Variants in TRPC5 observed in about 807,000 individuals in gnomAD.
TRPC5 encodes the protein transient receptor potential cation channel subfamily C member 5.
TRPC5 carries 9 observed loss-of-function variants against 56.5 expected under a neutral mutation model. The observed-to-expected ratio is 0.16, with a 90% CI of 0.10 to 0.28. The LOEUF (loss-of-function observed/expected upper bound fraction) is 0.28. Among genes scored for constraint, TRPC5 ranks in the 10% least tolerant of loss-of-function variants. TRPC5 has a pLI of 1.00. For missense variants in TRPC5, 469 were observed against 748.9 expected, an observed-to-expected ratio of 0.63 and a Z score of 4.36; for synonymous variants, 282 against 278.5, an observed-to-expected ratio of 1.01 and a Z score of -0.13.
At chrX:111,784,796 G>A (rs910342326) in intron 7 of TRPC5, among the ~76,000 whole-genome samples, 6 of 112,826 alleles carry the variant, frequency 5.3e-5, no homozygotes, top group Non-Finnish European at 9.4e-5. Context: ...CAGGTCCCAC[G>A]CCCACGGAAC....
chrX:111,815,645 C>T (rs751865343), intron 7 of TRPC5, among the ~76,000 whole-genome samples: 19 of 110,584 alleles, frequency 1.7e-4, no homozygotes, highest in South Asian at 1.2e-3. Flanking sequence ...TGCTTTAACT[C>T]AGGAGGCAGA....
At position 111,852,390 on chromosome X, in the gene TRPC5, C is replaced by T. The variant is rs1314982323; in HGVS notation, c.1285G>A (p.Glu429Lys). Residue 429 changes from glutamate (E) to lysine (K), a missense_variant, in exon 5 of 11, where the codon GAA becomes AAA. Physicochemically the swap from Glu to Lys is moderately conservative, Grantham distance 56. This residue lies in a region of TRPC5 where 157 missense variants were observed against 360.0 expected (regional missense o/e 0.44). Coordinates refer to ENST00000262839, the MANE Select transcript of TRPC5 (RefSeq NM_012471.3). ...AGGTTCCACCAGTCATGGATGTATT[C>T]AGTAAATCCACCATCCCACATTTCC... Reference protein sequence around the residue: ...IKEMWDGGFTEYIHDWWNLMD... With the variant: ...IKEMWDGGFTKYIHDWWNLMD... The T allele has an allele frequency of 2.5e-6, 3 of 1,207,072 alleles. No individual in the cohort carries two copies. The highest frequency in any genetic ancestry group is 3.4e-6 in the Non-Finnish European group (3 of 893,376).
chrX:111,768,057 A>G lies in TRPC5; in HGVS notation c.*8256T>C, dbSNP rs1328591928. Among the ~76,000 whole-genome samples, 2 of 112,211 alleles carry G rather than the reference A, an allele frequency of 1.8e-5. No homozygotes were observed. The highest frequency in any genetic ancestry group is 5.6e-4 in the East Asian group (2 of 3,587). On this transcript the variant is annotated 3_prime_UTR_variant, in exon 11 of 11. Transcript: ENST00000262839. The stretch of plus-strand genomic sequence containing the variant: ...ACTTTATTTTGTTGATACTGAAGCT[A>G]AAAATACACAAAATTATTTTATTGT...
chrX:111,967,846 G>A (rs1397544430), intron 1 of TRPC5, among the ~76,000 whole-genome samples: 1 of 111,976 alleles, frequency 8.9e-6, no homozygotes, highest in Non-Finnish European at 1.9e-5. Context: ...AGACTTAAAT[G>A]TTAGCCCTAA....
intron 5 of TRPC5, among the ~76,000 whole-genome samples, chrX:111,848,852 G>T (rs1267279355): frequency 1.8e-5 from 2 of 111,941 alleles, no homozygotes; most frequent in African/African-American, 3.3e-5. Context: ...TACTGTGAGG[G>T]GTAGGAATGG....
At chrX:111,821,300 AAAAAGC>A (rs2148570379) in intron 7 of TRPC5, among the ~76,000 whole-genome samples, 1 of 111,968 alleles carries the variant, frequency 8.9e-6, no homozygotes, top group South Asian at 3.7e-4. Flanking sequence ...AAAACAGAGG[AAAAAGC>A]AAAATCCTGT....
At chrX:112,039,244 C>CT (rs1169935168) in intron 1 of TRPC5, among the ~76,000 whole-genome samples, 1 of 111,394 alleles carries the variant, frequency 9.0e-6, no homozygotes, top group Non-Finnish European at 1.9e-5. Flanking sequence ...ATTATTTCAC[C>CT]TTTTTCAGAG....
Position 111,774,670 on chromosome X carries a change from G to T in TRPC5, c.*1643C>A, listed in dbSNP as rs1945864316. On this transcript the variant is annotated 3_prime_UTR_variant, in exon 11 of 11. Coordinates refer to ENST00000262839, the MANE Select transcript of TRPC5 (RefSeq NM_012471.3). ...TGCTCTTCTCCAGGCTAGAGACAAA[G>T]ATGGGAATCCATTCAAATAACAGAA... The T allele has an allele frequency of 9.0e-6, 1 of 111,154 alleles. No homozygotes were observed. Among genetic ancestry groups the T allele is most frequent in the South Asian group, 3.8e-4 (1 of 2,626 alleles). The allele number at this position is 111,154 out of a possible 1,213,427, so 9.2% of individuals were successfully genotyped here. A position where few individuals can be genotyped will look rare whatever the true frequency, so the allele number is the denominator to read the frequency against.
At chrX:111,809,196 C>T (rs1043328341) in intron 7 of TRPC5, among the ~76,000 whole-genome samples, 1 of 111,099 alleles carries the variant, frequency 9.0e-6, no homozygotes, top group South Asian at 3.8e-4. Context: ...AGTCTGCTTG[C>T]ATCATGTGCA....
At chrX:112,016,673 C>A (rs1366268573) in intron 1 of TRPC5, among the ~76,000 whole-genome samples, 1 of 111,741 alleles carries the variant, frequency 8.9e-6, no homozygotes, top group East Asian at 2.8e-4. Flanking sequence ...TTTCCCAGAG[C>A]CTTAGCTTTT....
intron 3 of TRPC5, among the ~76,000 whole-genome samples, chrX:111,859,369 TC>T (rs1923329148): frequency 8.9e-6 from 1 of 112,665 alleles, no homozygotes; most frequent in African/African-American, 3.2e-5. Flanking sequence ...CTTTTCAGTT[TC>T]CTATTTTTAT....
At chrX:112,022,211 T>C (rs907806063) in intron 1 of TRPC5, among the ~76,000 whole-genome samples, 1 of 112,544 alleles carries the variant, frequency 8.9e-6, no homozygotes, top group Non-Finnish European at 1.9e-5. Flanking sequence ...TTCAGATTTC[T>C]GTTTTTCCCA....
At chrX:111,806,854 A>G (rs1603037034) in intron 7 of TRPC5, among the ~76,000 whole-genome samples, 1 of 111,153 alleles carries the variant, frequency 9.0e-6, no homozygotes, top group East Asian at 2.8e-4. Flanking sequence ...ATTCTAGGAT[A>G]AAAGTTTTTT....
At chrX:111,852,555 G>T in intron 4 of TRPC5, 118 bp from the exon 5 acceptor site, 4 of 819,413 alleles carry the variant, frequency 4.9e-6, no homozygotes, top group Non-Finnish European at 5.0e-6. Context: ...GGTCTCAGTG[G>T]AGTGAAGCCT....
At chrX:111,857,851 T>C (rs1282991946) in intron 3 of TRPC5, among the ~76,000 whole-genome samples, 2 of 112,689 alleles carry the variant, frequency 1.8e-5, no homozygotes, top group African/African-American at 6.4e-5. Flanking sequence ...GATGACCTCA[T>C]GTGACTTCCC....
chrX:111,992,034 C>T (rs908447157), intron 1 of TRPC5, among the ~76,000 whole-genome samples: 1 of 112,365 alleles, frequency 8.9e-6, no homozygotes, highest in Admixed American at 9.5e-5. Flanking sequence ...GGGTTCAGCA[C>T]TGAGAATCAC....
At chrX:111,859,971 A>G (rs937790697) in intron 3 of TRPC5, among the ~76,000 whole-genome samples, 7 of 112,973 alleles carry the variant, frequency 6.2e-5, no homozygotes, top group Admixed American at 2.8e-4. Context: ...TGCAGGGGCG[A>G]GATCTCAGCT....
chrX:112,075,733 C>G (rs993372737), intron 1 of TRPC5, among the ~76,000 whole-genome samples: 2 of 111,680 alleles, frequency 1.8e-5, no homozygotes, highest in Non-Finnish European at 3.8e-5. Context: ...TCCCCCTCAT[C>G]AAACAGGCCC....
At chrX:111,875,572 CTTTTTTTTTT>C (rs771241425) in intron 3 of TRPC5, among the ~76,000 whole-genome samples, 741 of 70,460 alleles carry the variant, frequency 0.011, 9 homozygotes, top group African/African-American at 0.04. Flanking sequence ...TTTTTTCTTT[CTTTTTTTTTT>C]TTTTTTTTTT....
Sources: gnomAD v4.1 joint callset for allele counts (sites outside exome capture counted in the v4.1 genomes callset) on GRCh38, gnomAD v4.1.1 for gene constraint, gnomAD v4.1.1 regional missense constraint, MANE v1.5 for transcripts, NCBI Gene and HGNC (gene_info 2026-07-23, HGNC 2026-07-21) for gene names.